The following TBL1X variants were observed in gnomAD, a reference collection of about 807,000 sequenced individuals.
TBL1X encodes F-box-like/WD repeat-containing protein TBL1X.
Under a neutral mutation model 50.7 loss-of-function variants are expected in TBL1X, and 10 were observed. The observed-to-expected ratio is 0.20, with a 90% CI of 0.12 to 0.33. The LOEUF is 0.33. Among genes scored for constraint, TBL1X ranks in the 10% least tolerant of loss-of-function variants. The pLI, the probability that TBL1X is intolerant of heterozygous loss-of-function variation, is 1.00. For missense variants in TBL1X, 340 were observed against 504.4 expected, an observed-to-expected ratio of 0.67 and a Z score of 3.12; for synonymous variants, 190 against 214.7, an observed-to-expected ratio of 0.88 and a Z score of 1.01.
intron 2 of TBL1X, among the ~76,000 whole-genome samples, chrX:9,568,483 C>T (rs1250269205): frequency 9.5e-6 from 1 of 105,463 alleles, no homozygotes; most frequent in Non-Finnish European, 2.0e-5. Context: ...TGTCTATCTG[C>T]ACCGTGGTTT....
intron 1 of TBL1X, among the ~76,000 whole-genome samples, chrX:9,480,917 A>T (rs1371340616): frequency 1.8e-5 from 2 of 111,170 alleles, no homozygotes; most frequent in African/African-American, 6.5e-5. Flanking sequence ...CTGTATTTGT[A>T]TGAATGTGTT....
chrX:9,518,163 A>T (rs1208241265), intron 2 of TBL1X, among the ~76,000 whole-genome samples: 1 of 111,502 alleles, frequency 9.0e-6, no homozygotes, highest in Non-Finnish European at 1.9e-5. Flanking sequence ...ATGATGTGAC[A>T]TTCAGATAAA....
chrX:9,515,673 G>A (rs1047255856), intron 2 of TBL1X, among the ~76,000 whole-genome samples: 17 of 112,311 alleles, frequency 1.5e-4, no homozygotes, highest in Non-Finnish European at 2.4e-4. Context: ...TGTAGAAACC[G>A]AAGCCAGGCT....
chrX:9,555,978 A>T (rs910031624), intron 2 of TBL1X, among the ~76,000 whole-genome samples: 4 of 110,919 alleles, frequency 3.6e-5, no homozygotes, highest in African/African-American at 1.3e-4. Flanking sequence ...ACTTGATCCC[A>T]GGAGTTTGAG....
intron 1 of TBL1X, among the ~76,000 whole-genome samples, chrX:9,499,328 C>T (rs746037067): frequency 9.0e-6 from 1 of 111,431 alleles, no homozygotes; most frequent in Non-Finnish European, 1.9e-5. Flanking sequence ...GCCCTTGATG[C>T]GACCTGAGGA....
At chrX:9,490,815 T>G (rs1173640229) in intron 1 of TBL1X, among the ~76,000 whole-genome samples, 1 of 112,004 alleles carries the variant, frequency 8.9e-6, no homozygotes, top group African/African-American at 3.2e-5. Context: ...TTGCTGTTTA[T>G]TAGTAGCTTA....
intron 3 of TBL1X, among the ~76,000 whole-genome samples, chrX:9,649,723 G>T (rs1218296398): frequency 9.0e-6 from 1 of 111,424 alleles, no homozygotes; most frequent in Non-Finnish European, 1.9e-5. Flanking sequence ...CTCCTGGGGT[G>T]GGGAATATTA....
chrX:9,654,197 T>C lies in TBL1X; in HGVS notation c.104-18T>C. ...AAATACAAGCAGTGTTTCAAAACTC[T>C]CTTCTCTTTTTGAACAGAGGGTGGT... On this transcript the variant is annotated intron_variant, in intron 4 of 17. Coordinates refer to ENST00000645353, the MANE Select transcript of TBL1X (RefSeq NM_005647.4). 2.5e-6 allele frequency: 3 copies of C among 1,193,552 alleles called. No homozygotes were observed. Among genetic ancestry groups the C allele is most frequent in the Non-Finnish European group, 3.4e-6 (3 of 884,198 alleles).
chrX:9,610,555 A>G (rs1296473911), intron 2 of TBL1X, among the ~76,000 whole-genome samples: 2 of 112,054 alleles, frequency 1.8e-5, no homozygotes, highest in East Asian at 5.6e-4. Context: ...TACACACAGG[A>G]TGAGGACAGG....
intron 13 of TBL1X, among the ~76,000 whole-genome samples, chrX:9,705,415 GAATA>G (rs2083200510): frequency 9.0e-6 from 1 of 111,077 alleles, no homozygotes; most frequent in African/African-American, 3.3e-5. Flanking sequence ...CACAATAAAT[GAATA>G]GACGGGGCAC....
rs3043994 is a variant in TBL1X at position 9,684,598 on chromosome X, T to TAAAAA, written c.357+424_357+428dup. The stretch of plus-strand genomic sequence containing the variant: ...TGCAGTGAGACTCCATCTCTAAAAT[T>TAAAAA]AAAAAAAAAAAAAAAAAAGGAAGAA... On this transcript the variant is annotated intron_variant, in intron 6 of 17. Transcript: ENST00000645353. Among the ~76,000 whole-genome samples, 40 of 51,273 alleles carry TAAAAA rather than the reference T, an allele frequency of 7.8e-4. 1 individual carries two copies. Among genetic ancestry groups the TAAAAA allele is most frequent in the African/African-American group, 1.9e-3 (23 of 12,016 alleles). The allele number at this position is 51,273 out of a possible 115,157, so 44.5% of individuals were successfully genotyped here.
chrX:9,474,592 C>T (rs1402147126), intron 1 of TBL1X, among the ~76,000 whole-genome samples: 6 of 113,025 alleles, frequency 5.3e-5, no homozygotes, highest in Non-Finnish European at 9.4e-5. Context: ...TGAAAAAATG[C>T]GCTTGTTTCG....
intron 15 of TBL1X, among the ~76,000 whole-genome samples, chrX:9,711,192 A>G (rs56080818): frequency 0.17 from 18,610 of 109,052 alleles, 1,316 homozygotes; most frequent in Non-Finnish European, 0.22. Context: ...AAATAAAAAA[A>G]TAAAAATTAG....
chrX:9,629,575 CGT>C (rs1312045209), intron 2 of TBL1X, among the ~76,000 whole-genome samples: 4 of 112,228 alleles, frequency 3.6e-5, no homozygotes, highest in Non-Finnish European at 7.5e-5. Context: ...AGTGAGTATG[CGT>C]GTGTTTCTCT....
chrX:9,591,598 G>A (rs73631498), intron 2 of TBL1X, among the ~76,000 whole-genome samples: 2,461 of 112,201 alleles, frequency 0.022, 20 homozygotes, highest in Middle Eastern at 0.064. Context: ...CTGGTCATCA[G>A]CCATCTTGCG....
intron 1 of TBL1X, among the ~76,000 whole-genome samples, chrX:9,473,199 G>A (rs1440813381): frequency 9.0e-6 from 1 of 111,452 alleles, no homozygotes; most frequent in East Asian, 2.8e-4. Flanking sequence ...TGTATTTCCC[G>A]AAAGCGTAGA....
intron 2 of TBL1X, among the ~76,000 whole-genome samples, chrX:9,562,185 C>T (rs1569056403): frequency 8.9e-6 from 1 of 111,872 alleles, no homozygotes; most frequent in East Asian, 2.8e-4. Flanking sequence ...AGAGTTGTAT[C>T]TACGGGGACA....
At chrX:9,539,903 C>T (rs929871652) in intron 2 of TBL1X, among the ~76,000 whole-genome samples, 5 of 112,454 alleles carry the variant, frequency 4.4e-5, no homozygotes, top group Non-Finnish European at 9.4e-5. Context: ...ACTAGACTAA[C>T]CCAGTGACTC....
At chrX:9,645,655 A>G (rs941556745) in intron 3 of TBL1X, among the ~76,000 whole-genome samples, 2 of 112,557 alleles carry the variant, frequency 1.8e-5, no homozygotes, top group Admixed American at 1.9e-4. Flanking sequence ...ATATAACCGT[A>G]AAACTAATGG....
Sources: allele counts gnomAD v4.1 joint callset (sites outside exome capture counted in the v4.1 genomes callset), GRCh38; gene constraint gnomAD v4.1.1; transcripts MANE v1.5; gene names NCBI Gene and HGNC (gene_info 2026-07-23, HGNC 2026-07-21).